The following CADPS variants were observed in gnomAD, a reference collection of about 807,000 sequenced individuals.
CADPS encodes calcium dependent secretion activator.
In CADPS, 57 loss-of-function variants were observed where a neutral mutation model predicts 167.3. The ratio of observed to expected loss-of-function variants is 0.34; its 90% confidence interval spans 0.28 to 0.42. CADPS has a LOEUF of 0.42. CADPS is among the 20% of genes least tolerant of loss of function. The pLI is 1.00. For synonymous variants in CADPS, 676 were observed against 635.3 expected (o/e 1.06, Z -0.96); for missense variants, 1,414 against 1,738.1 (o/e 0.81, Z 3.32).
chr3:62,525,713 G>GTGTGTA (rs1380366728), intron 13 of CADPS, among the ~76,000 whole-genome samples: 4 of 151,432 alleles, frequency 2.6e-5, no homozygotes, highest in African/African-American at 7.3e-5. Flanking sequence ...GTATGTGTGT[G>GTGTGTA]TGTCTGTGTG....
At chr3:62,405,149 G>GC (rs1491015687) in intron 28 of CADPS, among the ~76,000 whole-genome samples, 25 of 140,412 alleles carry the variant, frequency 1.8e-4, no homozygotes, top group African/African-American at 6.6e-4. Context: ...GGGGGGGGGG[G>GC]GCTCAACAGA....
intron 3 of CADPS, among the ~76,000 whole-genome samples, chr3:62,751,295 T>C (rs2082644537): frequency 1.3e-5 from 2 of 152,204 alleles, no homozygotes; most frequent in African/African-American, 2.4e-5. Flanking sequence ...AATTCATGTG[T>C]ATTTTTGTAT....
intron 1 of CADPS, among the ~76,000 whole-genome samples, chr3:62,783,804 C>T (rs184655585): frequency 7.2e-5 from 11 of 152,194 alleles, no homozygotes; most frequent in African/African-American, 1.7e-4. Context: ...GAATGAACTC[C>T]ATTGGATATT....
chr3:62,545,213 T>C (rs2076266641), intron 11 of CADPS, among the ~76,000 whole-genome samples: 1 of 152,076 alleles, frequency 6.6e-6, no homozygotes, highest in Non-Finnish European at 1.5e-5. Context: ...TGATCAAATG[T>C]CAAAGCTTAA....
At chr3:62,688,787 C>T (rs1265541485) in intron 3 of CADPS, among the ~76,000 whole-genome samples, 2 of 152,034 alleles carry the variant, frequency 1.3e-5, no homozygotes. Flanking sequence ...ACCTTGCTCT[C>T]CCTTCTCACT....
intron 7 of CADPS, among the ~76,000 whole-genome samples, chr3:62,588,000 A>G (rs1193777989): frequency 6.6e-6 from 1 of 152,208 alleles, no homozygotes; most frequent in Admixed American, 6.5e-5. Context: ...CACTTTGTCA[A>G]TTCAGCCGAG....
At chr3:62,626,323 CTTTGCAAGCTGGCACG>C in intron 6 of CADPS, 1 of 453,204 alleles carries the variant, frequency 2.2e-6, no homozygotes, top group Middle Eastern at 3.1e-4. Flanking sequence ...ATTCACGTCA[CTTTGCAAGCTGGCACG>C]GATTTACTAA....
intron 13 of CADPS, among the ~76,000 whole-genome samples, chr3:62,526,700 C>T (rs1235303147): frequency 6.6e-6 from 1 of 152,208 alleles, no homozygotes; most frequent in East Asian, 1.9e-4. Context: ...GCTGAGCATA[C>T]TCACATTTTC....
intron 3 of CADPS, among the ~76,000 whole-genome samples, chr3:62,693,474 A>G (rs936014228): frequency 3.3e-5 from 5 of 152,164 alleles, no homozygotes; most frequent in East Asian, 1.9e-4. Flanking sequence ...CATATTTTAA[A>G]TTTTGTTTTT....
At position 62,651,880 on chromosome 3, in the gene CADPS, C is replaced by A. The variant is rs944650891; in HGVS notation, c.970-800G>T. ...CATAACTGATGGAGTGAGAAGCAAGCCAAGTCAGTTTGACATTTTTATTTT... is the reference window on the plus strand; with the variant it reads ...CATAACTGATGGAGTGAGAAGCAAGACAAGTCAGTTTGACATTTTTATTTT... On this transcript the variant is annotated intron_variant, in intron 4 of 29. Coordinates refer to ENST00000383710, the MANE Select transcript of CADPS (RefSeq NM_003716.4). Among the ~76,000 whole-genome samples, 15 of 150,642 alleles carry A rather than the reference C, an allele frequency of 1.0e-4. No homozygotes were observed. The South Asian group carries it at 1.1e-3, about 11-fold the overall frequency.
intron 1 of CADPS, among the ~76,000 whole-genome samples, chr3:62,829,848 G>A (rs1303258965): frequency 1.3e-5 from 2 of 152,140 alleles, no homozygotes; most frequent in South Asian, 2.1e-4. Context: ...ATGCAAAATG[G>A]AGACAAGAGA....
At chr3:62,513,809 C>G (rs993768208) in intron 16 of CADPS, 1 of 711,674 alleles carries the variant, frequency 1.4e-6, no homozygotes, top group South Asian at 1.7e-5. Flanking sequence ...AGGAAAATAG[C>G]CACAGAGTAT....
chr3:62,790,808 G>A (rs374377061), intron 1 of CADPS, among the ~76,000 whole-genome samples: 2 of 152,148 alleles, frequency 1.3e-5, no homozygotes, highest in East Asian at 1.9e-4. Flanking sequence ...TACACATGGA[G>A]AAAAGTCACA....
intron 21 of CADPS, among the ~76,000 whole-genome samples, chr3:62,487,860 C>T (rs1474385468): frequency 5.3e-5 from 8 of 152,130 alleles, no homozygotes; most frequent in Non-Finnish European, 4.4e-5. Flanking sequence ...TTTTCATTCT[C>T]TTTTTAGCAA....
chr3:62,437,984 T>G, intron 28 of CADPS, 120 bp downstream of exon 28: 1 of 661,842 alleles, frequency 1.5e-6, no homozygotes, highest in Non-Finnish European at 2.7e-6. Context: ...AGGAAAAGAT[T>G]TAGTCTGAAT....
At chr3:62,437,765 G>A (rs1203397050) in intron 28 of CADPS, among the ~76,000 whole-genome samples, 3 of 152,170 alleles carry the variant, frequency 2.0e-5, no homozygotes, top group Non-Finnish European at 4.4e-5. Flanking sequence ...TCCCTAAAGT[G>A]AGGCCAGATT....
intron 10 of CADPS, among the ~76,000 whole-genome samples, chr3:62,555,999 C>T (rs912689649): frequency 2.0e-5 from 3 of 152,264 alleles, no homozygotes; most frequent in Middle Eastern, 3.4e-3. Context: ...GCGATCCTCT[C>T]GCCTTGGGAT....
intron 28 of CADPS, among the ~76,000 whole-genome samples, chr3:62,409,040 C>A (rs376887549): frequency 2.7e-4 from 41 of 152,272 alleles, no homozygotes; most frequent in African/African-American, 9.4e-4. Flanking sequence ...AATGTTCAGG[C>A]ACTACACGAA....
At chr3:62,778,268 C>T (rs1418250678) in intron 1 of CADPS, among the ~76,000 whole-genome samples, 1 of 152,260 alleles carries the variant, frequency 6.6e-6, no homozygotes, top group East Asian at 1.9e-4. Context: ...TCCTTTTTCC[C>T]CTTATAATAT....
Sources: gnomAD v4.1 joint callset for allele counts (sites outside exome capture counted in the v4.1 genomes callset) on GRCh38, gnomAD v4.1.1 for gene constraint, MANE v1.5 for transcripts, NCBI Gene and HGNC (gene_info 2026-07-23, HGNC 2026-07-21) for gene names.